Variants in SLC51B observed in about 807,000 individuals in gnomAD.
SLC51B encodes the protein organic solute transporter subunit beta.
A neutral mutation model predicts 8.0 loss-of-function variants in SLC51B; 6 were observed. That is an observed-to-expected ratio of 0.75 (90% CI 0.41 to 1.48). The LOEUF is 1.48. Among genes scored for constraint, SLC51B ranks in the 40% most tolerant of loss-of-function variants. The pLI is 0.01. For missense variants in SLC51B, 150 were observed against 149.7 expected (o/e 1.00, Z -0.01); for synonymous variants, 61 against 54.8 (o/e 1.11, Z -0.50).
chr15:65,049,805 A>G (rs1198916088), intron 1 of SLC51B, 92 bp from the exon 2 acceptor site: 1 of 411,078 alleles, frequency 2.4e-6, no homozygotes, highest in Non-Finnish European at 4.4e-6. Flanking sequence ...TTTTTGTCCC[A>G]TAACTTTGGG....
chr15:65,049,929 A>G lies in SLC51B; in HGVS notation c.-76A>G. 8.4e-7 allele frequency: 1 copy of G among 1,186,420 alleles called. No homozygotes were observed. Among genetic ancestry groups the G allele is most frequent in the Non-Finnish European group, 1.2e-6 (1 of 842,552 alleles). The allele number at this position is 1,186,420 out of a possible 1,614,324, so 73.5% of individuals were successfully genotyped here. ...CACGGCTTCTCTGCCCAGGGGCCAG[A>G]ACCGAGGAGGCCAGGAGGGCTGCTG... On this transcript the variant is annotated 5_prime_UTR_variant, in exon 2 of 4. Transcript: ENST00000334287.
chr15:65,051,931 G>C (rs2086658847), intron 3 of SLC51B, among the ~76,000 whole-genome samples: 1 of 152,184 alleles, frequency 6.6e-6, no homozygotes, highest in Non-Finnish European at 1.5e-5. Context: ...TCAACTCAGA[G>C]ATGAGTGGCT....
intron 1 of SLC51B, among the ~76,000 whole-genome samples, chr15:65,048,083 AC>A (rs2086600316): frequency 6.6e-6 from 1 of 152,132 alleles, no homozygotes; most frequent in African/African-American, 2.4e-5. Flanking sequence ...AGGCAGAGGC[AC>A]AAACGAGAAC....
intron 1 of SLC51B, among the ~76,000 whole-genome samples, chr15:65,047,808 GATAGAT>G (rs1395685963): frequency 6.7e-6 from 1 of 148,372 alleles, no homozygotes; most frequent in Non-Finnish European, 1.5e-5. Flanking sequence ...TAGATAGATA[GATAGAT>G]AGATAGATAG....
chr15:65,047,209 G>A (rs1218995689), intron 1 of SLC51B, among the ~76,000 whole-genome samples: 2 of 151,744 alleles, frequency 1.3e-5, no homozygotes, highest in Non-Finnish European at 2.9e-5. Context: ...GGTGGCACAT[G>A]CCTGTAGTCC....
chr15:65,053,326 G>T lies in SLC51B; in HGVS notation c.*162G>T. 2 of 1,417,344 alleles carry T rather than the reference G, an allele frequency of 1.4e-6. No individual in the cohort carries two copies. Among genetic ancestry groups the T allele is most frequent in the Admixed American group, 3.0e-5 (1 of 32,924 alleles). The allele number at this position is 1,417,344 out of a possible 1,614,324, so 87.8% of individuals were successfully genotyped here. ...AGCAGATACAATGAATGAACTGCAA[G>T]CAAACTAAAATTCTGTTATTAAAAA... On this transcript the variant is annotated 3_prime_UTR_variant, in exon 4 of 4. Coordinates refer to ENST00000334287, the MANE Select transcript of SLC51B (RefSeq NM_178859.4).
Position 65,049,878 on chromosome 15 carries a change from C to T in SLC51B, c.-108-19C>T, listed in dbSNP as rs990362046. On this transcript the variant is annotated intron_variant, in intron 1 of 3. Coordinates refer to ENST00000334287, the MANE Select transcript of SLC51B (RefSeq NM_178859.4). ...AACTCGGGTGGGATATCCAGTCATGCTGTCTGCTTTGTTTCCAGGGGTCTT... is the reference window on the plus strand; with the variant it reads ...AACTCGGGTGGGATATCCAGTCATGTTGTCTGCTTTGTTTCCAGGGGTCTT... 5 of 589,358 alleles carry T rather than the reference C, an allele frequency of 8.5e-6. No homozygotes were observed. The highest frequency in any genetic ancestry group is 3.8e-5 in the African/African-American group (2 of 52,380). 36.5% of individuals were successfully genotyped at this position (589,358 alleles called of 1,614,324 possible).
At chr15:65,051,751 G>A in intron 3 of SLC51B, 146 bp downstream of exon 3, 2 of 620,328 alleles carry the variant, frequency 3.2e-6, no homozygotes, top group African/African-American at 2.0e-5. Flanking sequence ...TGTCCTTCGA[G>A]AACCCCAAGC....
chr15:65,051,755 C>G, intron 3 of SLC51B, 150 bp downstream of exon 3: 1 of 596,616 alleles, frequency 1.7e-6, no homozygotes, highest in Non-Finnish European at 2.9e-6. Context: ...CTTCGAGAAC[C>G]CCAAGCTGTT....
chr15:65,053,389 G>A lies in SLC51B; in HGVS notation c.*225G>A. 7.3e-7 allele frequency: 1 copy of A among 1,361,530 alleles called. No homozygotes were observed. The highest frequency in any genetic ancestry group is 9.4e-7 in the Non-Finnish European group (1 of 1,059,956). 84.3% of individuals were successfully genotyped at this position (1,361,530 alleles called of 1,614,324 possible). A position where few individuals can be genotyped will look rare whatever the true frequency, so the allele number is the denominator to read the frequency against. ...AAAATGCTCCTGGAAGGGAGCAGGT[G>A]GTATTGCATAGTTTGTTCAGATGGC... On this transcript the variant is annotated 3_prime_UTR_variant, in exon 4 of 4. Transcript: ENST00000334287.
At chr15:65,046,728 G>C (rs759261906) in intron 1 of SLC51B, among the ~76,000 whole-genome samples, 11 of 152,114 alleles carry the variant, frequency 7.2e-5, no homozygotes, top group African/African-American at 2.7e-4. Context: ...GCCTGGGCAA[G>C]ATGATGAAAC....
intron 2 of SLC51B, 131 bp from the exon 3 acceptor site, chr15:65,051,384 C>A: frequency 1.2e-6 from 1 of 807,090 alleles, no homozygotes; most frequent in Non-Finnish European, 2.1e-6. Context: ...AGGGGCCCAT[C>A]TTTGATTAGG....
Position 65,051,576 on chromosome 15 carries a change from C to T in SLC51B, c.159C>T (p.Val53=). ...CTGTGGTGGTCATTATAAGCATGGT[C>T]CTCCTGGGAAGAAGCATCCAGGCAA... is the stretch of plus-strand genomic sequence containing the variant. ...LAAVVVIISM[V]LLGRSIQASR... Residue 53 remains valine, a synonymous_variant, in exon 3 of 4, where the codon GTC becomes GTT. Coordinates refer to ENST00000334287, the MANE Select transcript of SLC51B (RefSeq NM_178859.4). 1 of 1,613,620 alleles carries T rather than the reference C, an allele frequency of 6.2e-7. No homozygotes were observed. Among genetic ancestry groups the T allele is most frequent in the Non-Finnish European group, 8.5e-7 (1 of 1,179,754 alleles).
intron 1 of SLC51B, among the ~76,000 whole-genome samples, chr15:65,046,464 C>G (rs1220594680): frequency 3.3e-5 from 5 of 151,358 alleles, no homozygotes; most frequent in Non-Finnish European, 7.4e-5. Context: ...GAGTGAAACT[C>G]TGTCTCAAAA....
Position 65,053,286 on chromosome 15 carries a change from C to G in SLC51B, c.*122C>G, listed in dbSNP as rs2086680337. 1.9e-6 allele frequency: 2 copies of G among 1,068,172 alleles called. No homozygotes were observed. Among genetic ancestry groups the G allele is most frequent in the East Asian group, 6.9e-5 (2 of 29,028 alleles). The allele number at this position is 1,068,172 out of a possible 1,614,324, so 66.2% of individuals were successfully genotyped here. A position where few individuals can be genotyped will look rare whatever the true frequency, so the allele number is the denominator to read the frequency against. On this transcript the variant is annotated 3_prime_UTR_variant, in exon 4 of 4. Coordinates refer to ENST00000334287, the MANE Select transcript of SLC51B (RefSeq NM_178859.4). Reference sequence around the variant, plus strand: ...GCCGCTTTTTTCTTTTTCTTTCTTTCTTTTTTTTTTTCTTAGCAGATACAA... The same window carrying G: ...GCCGCTTTTTTCTTTTTCTTTCTTTGTTTTTTTTTTTCTTAGCAGATACAA...
At chr15:65,046,515 A>G (rs550233222) in intron 1 of SLC51B, among the ~76,000 whole-genome samples, 1 of 152,280 alleles carries the variant, frequency 6.6e-6, no homozygotes, top group African/African-American at 2.4e-5. Flanking sequence ...GGCATCTAAC[A>G]TAGCTGAGGA....
In SLC51B at chr15:65,050,058, G is replaced by A; in HGVS notation, c.54G>A (p.Gln18=). The change falls in exon 2 of 4, where the codon CAG becomes CAA. Residue 18 remains glutamine (Q), a synonymous_variant. Transcript: ENST00000334287. ...ACCCAGCCGGTACTGTGGTACCCCA[G>A]GAGCTGCTGGAAGAGATGCTTTGGT... ...PGDPAGTVVP[Q]ELLEEMLWFF... 1 of 1,551,852 alleles carries A rather than the reference G, an allele frequency of 6.4e-7. No individual in the cohort carries two copies. The highest frequency in any genetic ancestry group is 8.7e-7 in the Non-Finnish European group (1 of 1,147,026).
intron 1 of SLC51B, among the ~76,000 whole-genome samples, chr15:65,045,998 T>C (rs952635785): frequency 3.3e-5 from 5 of 152,136 alleles, no homozygotes; most frequent in Non-Finnish European, 7.4e-5. Flanking sequence ...AAACCCCATC[T>C]CTACTAAAAA....
At chr15:65,048,632 G>C (rs1485877512) in intron 1 of SLC51B, among the ~76,000 whole-genome samples, 3 of 152,150 alleles carry the variant, frequency 2.0e-5, no homozygotes, top group Admixed American at 6.5e-5. Flanking sequence ...TTTTATTTTA[G>C]TTACGTTTAT....
Sources: allele counts gnomAD v4.1 joint callset (sites outside exome capture counted in the v4.1 genomes callset), GRCh38; gene constraint gnomAD v4.1.1; transcripts MANE v1.5; gene names NCBI Gene and HGNC (gene_info 2026-07-23, HGNC 2026-07-21).